The following EBAG9 variants were observed in gnomAD, a reference collection of about 807,000 sequenced individuals.
EBAG9 encodes estrogen receptor binding site associated antigen 9.
Under a neutral mutation model 30.9 loss-of-function variants are expected in EBAG9, and 16 were observed. That is an observed-to-expected ratio of 0.52 (90% confidence interval 0.35 to 0.79). The LOEUF (loss-of-function observed/expected upper bound fraction) is 0.79. EBAG9 is among the 30% of genes least tolerant of loss of function. EBAG9 has a pLI of 0.01. For synonymous variants in EBAG9, 93 were observed against 82.8 expected (o/e 1.12, Z -0.67); for missense variants, 197 against 242.1 (o/e 0.81, Z 1.24).
chr8:109,553,946 A>T lies in EBAG9; in HGVS notation c.162+3A>T. On this transcript the variant is annotated splice_donor_region_variant and intron_variant, in intron 3 of 6. Transcript: ENST00000337573. The stretch of plus-strand genomic sequence containing the variant: ...ATTATTCATCAGTTCCTAAGCAGGT[A>T]GGTTTTTTTTGTGTGTTCTTTTGTT... The T allele has an allele frequency of 1.9e-6, 3 of 1,594,776 alleles. No individual in the cohort carries two copies. Among genetic ancestry groups the T allele is most frequent in the Non-Finnish European group, 2.6e-6 (3 of 1,173,128 alleles).
upstream of EBAG9, chr8:109,540,151 A>G (rs1821241156): frequency 6.6e-6 from 1 of 152,280 alleles, no homozygotes. Flanking sequence ...GGGTGAGGAA[A>G]CTGCGACTGG....
intron 4 of EBAG9, among the ~76,000 whole-genome samples, chr8:109,556,066 T>C (rs1260663447): frequency 6.6e-6 from 1 of 152,074 alleles, no homozygotes; most frequent in African/African-American, 2.4e-5. Flanking sequence ...TTACTACCAT[T>C]CCCTCTCCTT....
rs1821539466 is a variant in EBAG9 at position 109,553,728 on chromosome 8, G to C, written c.84-137G>C. On this transcript the variant is annotated intron_variant, in intron 2 of 6. Transcript: ENST00000337573. ...ACTTTTTTTTACCATAAATTAGTGA[G>C]TAACTGTTACTAAAATCAATAATCA... 11 of 640,590 alleles carry C rather than the reference G, an allele frequency of 1.7e-5. No homozygotes were observed. In the South Asian group the frequency reaches 2.5e-4, roughly 14 times the overall value. 39.7% of individuals were successfully genotyped at this position (640,590 alleles called of 1,614,324 possible).
At position 109,564,672 on chromosome 8, in the gene EBAG9, A is replaced by G. The variant is rs1821782989; in HGVS notation, c.*113A>G. The G allele has an allele frequency of 6.9e-7, 1 of 1,452,158 alleles. No homozygotes were observed. The highest frequency in any genetic ancestry group is 9.3e-7 in the Non-Finnish European group (1 of 1,071,258). 90.0% of individuals were successfully genotyped at this position (1,452,158 alleles called of 1,614,324 possible). On this transcript the variant is annotated 3_prime_UTR_variant, in exon 7 of 7. Coordinates refer to ENST00000337573, the MANE Select transcript of EBAG9 (RefSeq NM_004215.5). ...AAGACATACTGCTTGATTTTAATACATTGATCAGGCCATCCAGGACACCAC... is the reference window on the plus strand; with the variant it reads ...AAGACATACTGCTTGATTTTAATACGTTGATCAGGCCATCCAGGACACCAC...
intron 6 of EBAG9, among the ~76,000 whole-genome samples, chr8:109,561,690 G>T (rs1821713761): frequency 6.6e-6 from 1 of 151,872 alleles, no homozygotes; most frequent in South Asian, 2.1e-4. Flanking sequence ...TTTTAAAATT[G>T]AGATTGTTTT....
Position 109,565,492 on chromosome 8 carries a change from G to C in EBAG9, c.*933G>C, listed in dbSNP as rs915634556. 6.6e-6 allele frequency: 1 copy of C among 151,996 alleles called. No individual in the cohort carries two copies. The highest frequency in any genetic ancestry group is 1.5e-5 in the Non-Finnish European group (1 of 67,958). The allele number at this position is 151,996 out of a possible 1,614,324, so 9.4% of individuals were successfully genotyped here. ...TGTAGGTTACCTGTGTTCTTGGCTA[G>C]GAAAACATTATTGATTCATTAAATC... On this transcript the variant is annotated 3_prime_UTR_variant, in exon 7 of 7. Coordinates refer to ENST00000337573, the MANE Select transcript of EBAG9 (RefSeq NM_004215.5).
rs140300614 is a variant in EBAG9 at position 109,561,629 on chromosome 8, TCATA to T, written c.521+704_521+707del. ...AGATATTTAAATGCATCTAAAGAAT[TCATA>T]CATTTTTTAAATTGTGTAGTAAGAT... On this transcript the variant is annotated intron_variant, in intron 6 of 6. Transcript: ENST00000337573. Among the ~76,000 whole-genome samples the T allele has an allele frequency of 9.1e-3, 1,391 of 152,158 alleles. 13 individuals are homozygous for T. Among genetic ancestry groups the T allele is most frequent in the African/African-American group, 0.031 (1,306 of 41,526 alleles).
chr8:109,550,487 G>A, intron 1 of EBAG9: 1 of 186,222 alleles, frequency 5.4e-6, no homozygotes. Flanking sequence ...ACTTTAAAAG[G>A]TACACAGAGA....
intron 1 of EBAG9, among the ~76,000 whole-genome samples, chr8:109,543,166 T>TTTTTTTTTTTG (rs1821312907): frequency 7.0e-6 from 1 of 143,720 alleles, no homozygotes; most frequent in Non-Finnish European, 1.5e-5. Flanking sequence ...TTTTTTTTTT[T>TTTTTTTTTTTG]AACAGTCACT....
chr8:109,552,445 A>T (rs1821513039), intron 2 of EBAG9, among the ~76,000 whole-genome samples: 1 of 152,198 alleles, frequency 6.6e-6, no homozygotes, highest in Admixed American at 6.5e-5. Context: ...AAATTACCAG[A>T]GAATGAGGAA....
chr8:109,551,156 T>G (rs1821486611), intron 2 of EBAG9, among the ~76,000 whole-genome samples: 1 of 152,142 alleles, frequency 6.6e-6, no homozygotes, highest in Non-Finnish European at 1.5e-5. Flanking sequence ...TTAATACTAT[T>G]TAGGAATAGA....
chr8:109,548,905 G>A (rs921316872), intron 1 of EBAG9, among the ~76,000 whole-genome samples: 2 of 35,272 alleles, frequency 5.7e-5, no homozygotes, highest in Non-Finnish European at 1.1e-4. Context: ...TTTTTTTTTT[G>A]CTGGATTGCA....
At chr8:109,546,128 G>A (rs1821379483) in intron 1 of EBAG9, among the ~76,000 whole-genome samples, 1 of 152,166 alleles carries the variant, frequency 6.6e-6, no homozygotes, top group African/African-American at 2.4e-5. Context: ...CCTAATGGAA[G>A]TTGGCTTTCT....
At chr8:109,542,704 G>T (rs992184881) in intron 1 of EBAG9, among the ~76,000 whole-genome samples, 1 of 152,020 alleles carries the variant, frequency 6.6e-6, no homozygotes, top group Admixed American at 6.6e-5. Context: ...TAATTTTTCA[G>T]ATCATTCTAC....
At chr8:109,548,606 G>T (rs558264457) in intron 1 of EBAG9, among the ~76,000 whole-genome samples, 156 of 152,104 alleles carry the variant, frequency 1.0e-3, no homozygotes, top group Admixed American at 2.4e-3. Flanking sequence ...AAAATATTCT[G>T]TCTCTGAAAA....
chr8:109,541,944 T>C (rs993382750), intron 1 of EBAG9, among the ~76,000 whole-genome samples: 2 of 152,210 alleles, frequency 1.3e-5, no homozygotes, highest in African/African-American at 4.8e-5. Flanking sequence ...AAAATTTATC[T>C]TGGAAGTGGT....
intron 1 of EBAG9, among the ~76,000 whole-genome samples, chr8:109,549,389 A>C (rs1821449589): frequency 6.6e-6 from 1 of 151,984 alleles, no homozygotes; most frequent in Non-Finnish European, 1.5e-5. Flanking sequence ...TATCAGTGTA[A>C]TACTGGCCTC....
intron 4 of EBAG9, among the ~76,000 whole-genome samples, chr8:109,555,424 A>G (rs1324103517): frequency 6.6e-6 from 1 of 152,194 alleles, no homozygotes; most frequent in Non-Finnish European, 1.5e-5. Flanking sequence ...TGTCATGTTA[A>G]GTAAGAATTT....
intron 4 of EBAG9, 98 bp downstream of exon 4, chr8:109,554,985 C>CTTTT: frequency 1.0e-6 from 1 of 958,418 alleles, no homozygotes; most frequent in Non-Finnish European, 1.4e-6. Context: ...AAGCCTATTT[C>CTTTT]TTTTTTTTTT....
Sources: allele counts gnomAD v4.1 joint callset (sites outside exome capture counted in the v4.1 genomes callset), GRCh38; gene constraint gnomAD v4.1.1; transcripts MANE v1.5; gene names NCBI Gene and HGNC (gene_info 2026-07-23, HGNC 2026-07-21).